The following UBASH3B variants were observed in gnomAD, a reference collection of about 807,000 sequenced individuals.
UBASH3B encodes the protein ubiquitin associated and SH3 domain containing B.
A neutral mutation model predicts 83.4 loss-of-function variants in UBASH3B; 37 were observed. The ratio of observed to expected loss-of-function variants is 0.44; its 90% CI spans 0.34 to 0.58. The LOEUF is 0.58. UBASH3B is among the 20% of genes least tolerant of loss of function. UBASH3B has a pLI of 0.01. For synonymous variants in UBASH3B, 304 were observed against 318.3 expected, an observed-to-expected ratio of 0.96 and a Z score of 0.48; for missense variants, 657 against 827.2, an observed-to-expected ratio of 0.79 and a Z score of 2.52.
At chr11:122,777,875 A>G (rs754886296) in intron 3 of UBASH3B, among the ~76,000 whole-genome samples, 1 of 152,034 alleles carries the variant, frequency 6.6e-6, no homozygotes, top group Non-Finnish European at 1.5e-5. Flanking sequence ...GATTACAGGC[A>G]TATGCCACCA....
At position 122,783,218 on chromosome 11, in the gene UBASH3B, A is replaced by G. The variant is rs1860888751; in HGVS notation, c.767A>G (p.His256Arg). 1 of 1,613,584 alleles carries G rather than the reference A, an allele frequency of 6.2e-7. No individual in the cohort carries two copies. The highest frequency in any genetic ancestry group is 8.5e-7 in the Non-Finnish European group (1 of 1,179,688). Reference protein sequence around the residue: ...IFSRDIRFANHETLQVIYPYT... With the variant: ...IFSRDIRFANRETLQVIYPYT... ...TCTCGGGATATCCGATTTGCTAACC[A>G]TGAGGTAATGTCTCACTGTGGTTCC... Residue 256 changes from histidine (H) to arginine (R), a missense_variant, in exon 5 of 14, where the codon CAT becomes CGT. This residue lies in a region of UBASH3B where 573 missense variants were observed against 739.0 expected (regional missense o/e 0.78). Coordinates refer to ENST00000284273, the MANE Select transcript of UBASH3B (RefSeq NM_032873.5).
intron 1 of UBASH3B, among the ~76,000 whole-genome samples, chr11:122,738,436 G>A (rs1167554818): frequency 3.3e-5 from 5 of 152,182 alleles, no homozygotes. Flanking sequence ...AGACAGAGGA[G>A]AAGACAGGCT....
chr11:122,695,303 C>G (rs80224866), intron 1 of UBASH3B, among the ~76,000 whole-genome samples: 1 of 152,192 alleles, frequency 6.6e-6, no homozygotes, highest in African/African-American at 2.4e-5. Flanking sequence ...GCATTTATTT[C>G]TTCTATCCAC....
intron 1 of UBASH3B, among the ~76,000 whole-genome samples, chr11:122,677,499 C>G (rs942515162): frequency 5.3e-5 from 8 of 152,142 alleles, no homozygotes; most frequent in Non-Finnish European, 1.0e-4. Context: ...TCTGGTGGAG[C>G]ACTTACCATT....
At chr11:122,730,753 G>T (rs1289771831) in intron 1 of UBASH3B, among the ~76,000 whole-genome samples, 3 of 151,946 alleles carry the variant, frequency 2.0e-5, no homozygotes, top group East Asian at 1.9e-4. Flanking sequence ...GTGCCACCAC[G>T]CCCGGCTCAT....
chr11:122,808,990 G>C (rs1417584797), intron 13 of UBASH3B, among the ~76,000 whole-genome samples: 1 of 151,714 alleles, frequency 6.6e-6, no homozygotes, highest in Non-Finnish European at 1.5e-5. Context: ...AAAAAAACGG[G>C]TGAAACAAAT....
intron 12 of UBASH3B, among the ~76,000 whole-genome samples, chr11:122,807,490 G>A (rs1861361798): frequency 6.6e-6 from 1 of 152,130 alleles, no homozygotes; most frequent in Non-Finnish European, 1.5e-5. Flanking sequence ...ATGGGATGAA[G>A]GGTTCATGGG....
intron 1 of UBASH3B, among the ~76,000 whole-genome samples, chr11:122,743,771 C>T (rs1274084465): frequency 2.6e-5 from 4 of 152,112 alleles, no homozygotes; most frequent in African/African-American, 4.8e-5. Flanking sequence ...ATGGAGTAAG[C>T]GGCAGAGGGC....
intron 11 of UBASH3B, among the ~76,000 whole-genome samples, chr11:122,803,361 G>A (rs752056890): frequency 4.6e-5 from 7 of 152,208 alleles, no homozygotes; most frequent in Non-Finnish European, 1.0e-4. Context: ...GGCAGAAAGG[G>A]AAGCCCTGAG....
intron 1 of UBASH3B, among the ~76,000 whole-genome samples, chr11:122,705,017 G>A (rs1864096500): frequency 6.6e-6 from 1 of 152,200 alleles, no homozygotes; most frequent in Non-Finnish European, 1.5e-5. Context: ...AACTATGGGA[G>A]GGAGCAGGCA....
At chr11:122,722,467 T>C (rs2135945048) in intron 1 of UBASH3B, among the ~76,000 whole-genome samples, 1 of 152,342 alleles carries the variant, frequency 6.6e-6, no homozygotes, top group East Asian at 1.9e-4. Context: ...TCTGTGTGTC[T>C]CTGGATATTT....
intron 1 of UBASH3B, among the ~76,000 whole-genome samples, chr11:122,742,281 A>C (rs549448734): frequency 5.3e-5 from 8 of 152,318 alleles, no homozygotes; most frequent in African/African-American, 1.9e-4. Flanking sequence ...GGAGAAGCAA[A>C]CCGAGCCAAG....
intron 9 of UBASH3B, 41 bp downstream of exon 9, chr11:122,797,074 C>G (rs1454877071): frequency 4.5e-6 from 7 of 1,544,742 alleles, no homozygotes; most frequent in Non-Finnish European, 6.1e-6. Context: ...CATTTCTTGC[C>G]TCCTCCTTCA....
chr11:122,808,017 T>G (rs372305935), intron 12 of UBASH3B, 50 bp from the exon 13 acceptor site: 12 of 1,452,712 alleles, frequency 8.3e-6, no homozygotes, highest in Non-Finnish European at 1.2e-5. Context: ...TTGCAAAGTT[T>G]CCATGTCTTT....
chr11:122,768,760 C>T (rs1479147019), intron 1 of UBASH3B, among the ~76,000 whole-genome samples: 2 of 152,174 alleles, frequency 1.3e-5, no homozygotes, highest in African/African-American at 2.4e-5. Flanking sequence ...CTACCTTGGC[C>T]TCCCAAAGTG....
chr11:122,674,672 C>G (rs1727542671), intron 1 of UBASH3B, among the ~76,000 whole-genome samples: 1 of 151,254 alleles, frequency 6.6e-6, no homozygotes, highest in Admixed American at 6.6e-5. Context: ...TGAGCCACCG[C>G]GCCCAGCCCA....
intron 1 of UBASH3B, among the ~76,000 whole-genome samples, chr11:122,683,623 T>A (rs1206096197): frequency 6.2e-5 from 9 of 145,532 alleles, no homozygotes; most frequent in African/African-American, 1.8e-4. Context: ...AAAAAAATAA[T>A]AATAATAAAA....
chr11:122,763,073 C>T (rs936366357), intron 1 of UBASH3B, among the ~76,000 whole-genome samples: 8 of 152,178 alleles, frequency 5.3e-5, no homozygotes, highest in Admixed American at 2.0e-4. Context: ...ATTCACTTGT[C>T]CACAGTCCCA....
intron 1 of UBASH3B, among the ~76,000 whole-genome samples, chr11:122,762,112 A>G (rs1861381121): frequency 6.6e-6 from 1 of 152,084 alleles, no homozygotes; most frequent in Admixed American, 6.5e-5. Flanking sequence ...ATTACCGTCA[A>G]TGGCAAAAAC....
Sources: allele counts gnomAD v4.1 joint callset (sites outside exome capture counted in the v4.1 genomes callset), GRCh38; gene constraint gnomAD v4.1.1; regional missense constraint gnomAD v4.1.1; transcripts MANE v1.5; gene names NCBI Gene and HGNC (gene_info 2026-07-23, HGNC 2026-07-21).